Variants in SLC9A8 observed in about 807,000 individuals in gnomAD.
SLC9A8 encodes the protein solute carrier family 9 member A8.
A neutral mutation model predicts 66.6 loss-of-function variants in SLC9A8; 48 were observed. The observed-to-expected ratio is 0.72, with a 90% CI of 0.57 to 0.92. The LOEUF (loss-of-function observed/expected upper bound fraction) is 0.92. Among genes scored for constraint, SLC9A8 ranks in the 40% least tolerant of loss-of-function variants. The pLI, the probability that SLC9A8 is intolerant of heterozygous loss-of-function variation, is 0.00. For synonymous variants in SLC9A8, 274 were observed against 282.6 expected (o/e 0.97, Z 0.31); for missense variants, 599 against 747.3 (o/e 0.80, Z 2.31).
intron 3 of SLC9A8, among the ~76,000 whole-genome samples, chr20:49,834,179 CTCTCTCTATATATA>C (rs750933023): frequency 0.056 from 3,067 of 54,514 alleles, 73 homozygotes; most frequent in Non-Finnish European, 0.078. Context: ...CTCTCTCTCT[CTCTCTCTATATATA>C]TATATATATA....
At chr20:49,854,948 G>A (rs527877063) in intron 7 of SLC9A8, among the ~76,000 whole-genome samples, 5 of 152,258 alleles carry the variant, frequency 3.3e-5, no homozygotes, top group Admixed American at 1.3e-4. Flanking sequence ...GGCTGTCTAC[G>A]CCACTCACCC....
At chr20:49,852,130 G>T (rs1465010836) in intron 7 of SLC9A8, among the ~76,000 whole-genome samples, 1 of 152,144 alleles carries the variant, frequency 6.6e-6, no homozygotes, top group Admixed American at 6.5e-5. Flanking sequence ...CCACACAGCC[G>T]CAGGGCCTGG....
At chr20:49,830,689 G>A (rs16994932) in intron 3 of SLC9A8, 45,602 of 672,188 alleles carry the variant, frequency 0.068, 2,013 homozygotes, top group African/African-American at 0.16. Context: ...CAGGCGATAG[G>A]GAAGACCTCC....
chr20:49,822,146 C>A (rs761968645), intron 2 of SLC9A8, among the ~76,000 whole-genome samples: 2 of 152,214 alleles, frequency 1.3e-5, no homozygotes, highest in Non-Finnish European at 2.9e-5. Context: ...GGGAAGTCCT[C>A]AGCCGATGGG....
At chr20:49,815,338 A>T in intron 2 of SLC9A8, 149 bp downstream of exon 2, 1 of 491,294 alleles carries the variant, frequency 2.0e-6, no homozygotes, top group Non-Finnish European at 3.4e-6. Flanking sequence ...ATCAGTTTAT[A>T]ACATCATTAA....
In SLC9A8 at chr20:49,886,497, C is replaced by T. The variant is rs921740234; in HGVS notation, c.1492-255C>T. 1 of 412,704 alleles carries T rather than the reference C, an allele frequency of 2.4e-6. No homozygotes were observed. The highest frequency in any genetic ancestry group is 4.3e-6 in the Non-Finnish European group (1 of 231,986). The allele number at this position is 412,704 out of a possible 1,614,324, so 25.6% of individuals were successfully genotyped here. On this transcript the variant is annotated intron_variant, in intron 14 of 15. Transcript: ENST00000361573. This position sits in a 1 kb window ranked among gnomAD's most constrained non-coding sequence, Gnocchi z 4.8. The stretch of plus-strand genomic sequence containing the variant: ...CCCAAAAGCTTGAAAAGCTTAAAGA[C>T]CAAGCCCCAGCCTGGCCCAGTCCTT...
chr20:49,831,993 A>G (rs1318655703), intron 3 of SLC9A8, among the ~76,000 whole-genome samples: 2 of 152,032 alleles, frequency 1.3e-5, no homozygotes, highest in Non-Finnish European at 2.9e-5. Context: ...AGCCAAGAGG[A>G]GTGGGGTTGG....
At chr20:49,845,161 T>C (rs751892650) in intron 5 of SLC9A8, 42 bp downstream of exon 5, 1 of 1,438,826 alleles carries the variant, frequency 7.0e-7, no homozygotes, top group South Asian at 1.2e-5. Flanking sequence ...CTGGACAGTT[T>C]CTCATGTTTG....
intron 3 of SLC9A8, among the ~76,000 whole-genome samples, chr20:49,834,348 CTGTATATATATATATACTG>C (rs1278226595): frequency 1.4e-5 from 1 of 69,156 alleles, no homozygotes; most frequent in Admixed American, 1.5e-4. Flanking sequence ...TATATATATA[CTGTATATATATATATACTG>C]TGTATATATA....
intron 3 of SLC9A8, among the ~76,000 whole-genome samples, chr20:49,834,366 T>A (rs1442242934): frequency 0.031 from 1,279 of 41,602 alleles, 108 homozygotes; most frequent in African/African-American, 0.099. Flanking sequence ...ATATATATAC[T>A]GTGTATATAT....
rs201097930 is a variant in SLC9A8 at position 49,866,368 on chromosome 20, T to C, written c.958+1524T>C. 2.6e-5 allele frequency among the ~76,000 whole-genome samples: 4 copies of C among 152,254 alleles called. No homozygotes were observed. In the East Asian group the frequency reaches 7.7e-4, roughly 29 times the overall value. ...CAGTGTGCATGTGTTTTCATTTATC[T>C]TGGGTAAATACCTAGGATTAAGGCT... On this transcript the variant is annotated intron_variant, in intron 10 of 15. Coordinates refer to ENST00000361573, the MANE Select transcript of SLC9A8 (RefSeq NM_015266.3).
intron 10 of SLC9A8, among the ~76,000 whole-genome samples, chr20:49,872,960 T>C (rs923941220): frequency 1.3e-5 from 2 of 152,140 alleles, no homozygotes; most frequent in African/African-American, 4.8e-5. Flanking sequence ...AGAGACCCCT[T>C]TCCTGCTCCC....
chr20:49,872,746 A>C (rs1438258318), intron 10 of SLC9A8, among the ~76,000 whole-genome samples: 1 of 152,044 alleles, frequency 6.6e-6, no homozygotes, highest in Non-Finnish European at 1.5e-5. Flanking sequence ...CGGCCTCCCA[A>C]AGTGCTGGGA....
Position 49,889,018 on chromosome 20 carries a change from C to CT in SLC9A8, c.*1083dup, listed in dbSNP as rs1446668094. The CT allele has an allele frequency of 6.6e-6, 1 of 152,474 alleles. No homozygotes were observed. Among genetic ancestry groups the CT allele is most frequent in the East Asian group, 1.9e-4 (1 of 5,186 alleles). The allele number at this position is 152,474 out of a possible 1,614,324, so 9.4% of individuals were successfully genotyped here. On this transcript the variant is annotated 3_prime_UTR_variant, in exon 16 of 16. Coordinates refer to ENST00000361573, the MANE Select transcript of SLC9A8 (RefSeq NM_015266.3). ...AGCACCCAGTGCTCCCTCCTCTACT[C>CT]TGACCTGGGGCCCCAGCATCCTGGA...
At chr20:49,876,882 A>AG (rs568736071) in intron 11 of SLC9A8, among the ~76,000 whole-genome samples, 15 of 152,248 alleles carry the variant, frequency 9.9e-5, no homozygotes, top group East Asian at 7.7e-4. Context: ...CAGAGAGAGA[A>AG]GGGGGGGTAA....
At position 49,891,979 on chromosome 20, in the gene SLC9A8, G is replaced by A. The variant is rs1453899252; in HGVS notation, c.*4043G>A. The A allele has an allele frequency of 1.3e-5, 2 of 152,098 alleles. No individual in the cohort carries two copies. The highest frequency in any genetic ancestry group is 2.9e-5 in the Non-Finnish European group (2 of 68,014). 9.4% of individuals were successfully genotyped at this position (152,098 alleles called of 1,614,324 possible). A position where few individuals can be genotyped will look rare whatever the true frequency, so the allele number is the denominator to read the frequency against. On this transcript the variant is annotated 3_prime_UTR_variant, in exon 16 of 16. Coordinates refer to ENST00000361573, the MANE Select transcript of SLC9A8 (RefSeq NM_015266.3). The stretch of plus-strand genomic sequence containing the variant: ...TTTTGTTTTAAGAAGCATTATGAAG[G>A]CCAGACTTACTCATTTTTCTCCCCC...
chr20:49,815,231 G>T, intron 2 of SLC9A8, 42 bp downstream of exon 2: 3 of 1,454,312 alleles, frequency 2.1e-6, no homozygotes, highest in Non-Finnish European at 2.7e-6. Flanking sequence ...GCCATCCCGT[G>T]TCTGTGTGCT....
At chr20:49,843,959 C>A (rs550729082) in intron 4 of SLC9A8, among the ~76,000 whole-genome samples, 12 of 152,122 alleles carry the variant, frequency 7.9e-5, no homozygotes, top group Admixed American at 2.6e-4. Flanking sequence ...CCCCGCCCCC[C>A]CTTTCTTCCT....
chr20:49,813,170 C>A (rs1600605733), intron 1 of SLC9A8, among the ~76,000 whole-genome samples: 1 of 152,258 alleles, frequency 6.6e-6, no homozygotes, highest in East Asian at 1.9e-4. Flanking sequence ...TGGGAATCTA[C>A]TGCCCAGCGC....
Sources: allele counts gnomAD v4.1 joint callset (sites outside exome capture counted in the v4.1 genomes callset), GRCh38; gene constraint gnomAD v4.1.1; non-coding constraint Gnocchi (gnomAD v3.1); transcripts MANE v1.5; gene names NCBI Gene and HGNC (gene_info 2026-07-23, HGNC 2026-07-21).